Variants in ACSS2 observed in about 807,000 individuals in gnomAD.
ACSS2 encodes the protein acyl-CoA synthetase short chain family member 2, also known as acetyl-coenzyme A synthetase, cytoplasmic.
Under a neutral mutation model 90.6 loss-of-function variants are expected in ACSS2, and 58 were observed. That is an observed-to-expected ratio of 0.64 (90% confidence interval 0.52 to 0.80). The LOEUF is 0.80. Among genes scored for constraint, ACSS2 ranks in the 30% least tolerant of loss-of-function variants. The pLI is 0.00. For missense variants in ACSS2, 759 were observed against 912.0 expected (o/e 0.83, Z 2.16); for synonymous variants, 300 against 330.9 (o/e 0.91, Z 1.01).
intron 2 of ACSS2, among the ~76,000 whole-genome samples, chr20:34,894,713 G>C (rs2080422588): frequency 6.6e-6 from 1 of 152,092 alleles, no homozygotes; most frequent in Admixed American, 6.5e-5. Context: ...AATCTGTCTA[G>C]TTGTTTTCAT....
chr20:34,892,965 C>T (rs1167874407), intron 2 of ACSS2, among the ~76,000 whole-genome samples: 1 of 152,176 alleles, frequency 6.6e-6, no homozygotes, highest in East Asian at 1.9e-4. Flanking sequence ...CCTAAACAAC[C>T]ATGTCGGTCT....
chr20:34,900,524 A>G lies in ACSS2; in HGVS notation c.375-12572A>G, dbSNP rs79427804. 7.7e-3 allele frequency among the ~76,000 whole-genome samples: 1,177 copies of G among 152,132 alleles called. 10 individuals are homozygous for G. The highest frequency in any genetic ancestry group is 0.026 in the African/African-American group (1,094 of 41,488). On this transcript the variant is annotated intron_variant, in intron 2 of 17. Transcript: ENST00000360596. ...CCGGTACAGTCCTGGCTCCCTCAAT[A>G]GGTGAGGAATCAATGTTTAGGGAGA...
chr20:34,917,151 C>T (rs569436709), intron 7 of ACSS2, among the ~76,000 whole-genome samples: 3 of 152,314 alleles, frequency 2.0e-5, no homozygotes, highest in African/African-American at 7.2e-5. Flanking sequence ...TGTAACTATG[C>T]CTTGTCCTTA....
chr20:34,877,143 T>C (rs2079935409), intron 1 of ACSS2, among the ~76,000 whole-genome samples: 1 of 151,868 alleles, frequency 6.6e-6, no homozygotes, highest in South Asian at 2.1e-4. Context: ...GAGTGAAAGT[T>C]TCATGGGAAG....
intron 2 of ACSS2, among the ~76,000 whole-genome samples, chr20:34,888,924 G>A (rs1010373156): frequency 3.3e-5 from 5 of 151,954 alleles, no homozygotes; most frequent in African/African-American, 9.7e-5. Context: ...ACACCAGCAG[G>A]ATATTAGATC....
intron 1 of ACSS2, among the ~76,000 whole-genome samples, chr20:34,877,032 G>A (rs1423640369): frequency 6.6e-6 from 1 of 152,208 alleles, no homozygotes; most frequent in Non-Finnish European, 1.5e-5. Context: ...TGCAGACTTG[G>A]AGGGTCCGTG....
At chr20:34,908,817 C>A (rs111914447) in intron 2 of ACSS2, 1 of 385,620 alleles carries the variant, frequency 2.6e-6, no homozygotes, top group East Asian at 8.3e-5. Context: ...GCCAAGATCG[C>A]GCCATTTTAC....
At chr20:34,922,366 G>A (rs1271554927) in intron 13 of ACSS2, 1 of 153,392 alleles carries the variant, frequency 6.5e-6, no homozygotes, top group Non-Finnish European at 1.5e-5. Flanking sequence ...CACTTTGGGA[G>A]GCTGAGGTGG....
In ACSS2 at chr20:34,882,927, C is replaced by T. The variant is rs2080101305; in HGVS notation, c.312C>T (p.Cys104=). The change falls in exon 2 of 18, where the codon TGC becomes TGT. Residue 104 remains cysteine (C), a synonymous_variant. Transcript: ENST00000360596. The part of the protein sequence containing the change: ...EWMKGATTNI[C]YNVLDRNVHE... Reference sequence around the variant, plus strand: ...TGAAAGGAGCAACTACCAACATCTGCTACAATGTACTGGATCGAAATGTCC... The same window carrying T: ...TGAAAGGAGCAACTACCAACATCTGTTACAATGTACTGGATCGAAATGTCC... The T allele has an allele frequency of 1.2e-6, 2 of 1,613,414 alleles. No individual in the cohort carries two copies. Among genetic ancestry groups the T allele is most frequent in the Admixed American group, 1.7e-5 (1 of 59,916 alleles).
chr20:34,924,920 G>A lies in ACSS2; in HGVS notation c.1658-778G>A, dbSNP rs543937076. Among the ~76,000 whole-genome samples the A allele has an allele frequency of 4.9e-4, 75 of 151,880 alleles. 1 individual carries two copies. The highest frequency in any genetic ancestry group is 1.5e-3 in the South Asian group (7 of 4,814). Reference sequence around the variant, plus strand: ...TCACCATGTTGGCCATGTTGGTCTCGAACTCCTGATCCACCCACCTTGGCC... The same window carrying A: ...TCACCATGTTGGCCATGTTGGTCTCAAACTCCTGATCCACCCACCTTGGCC... On this transcript the variant is annotated intron_variant, in intron 14 of 17. Coordinates refer to ENST00000360596, the MANE Select transcript of ACSS2 (RefSeq NM_018677.4).
At chr20:34,926,081 T>A (rs772046546) in intron 15 of ACSS2, 24 bp from the exon 16 acceptor site, 1 of 1,613,190 alleles carries the variant, frequency 6.2e-7, no homozygotes, top group South Asian at 1.1e-5. Context: ...ATCTCTCTCA[T>A]GGCACTTCCT....
At chr20:34,899,072 C>A (rs1365813923) in intron 2 of ACSS2, among the ~76,000 whole-genome samples, 2 of 152,204 alleles carry the variant, frequency 1.3e-5, no homozygotes, top group Admixed American at 6.5e-5. Flanking sequence ...TGCCTGGGGC[C>A]GGCAGGGCCG....
intron 1 of ACSS2, among the ~76,000 whole-genome samples, chr20:34,877,818 CAAAAAAAAAAAAAA>C (rs60819156): frequency 2.2e-5 from 2 of 91,222 alleles, no homozygotes; most frequent in African/African-American, 9.6e-5. Context: ...GACTTTGTCT[CAAAAAAAAAAAAAA>C]AAAAAAAAAA....
chr20:34,926,277 G>A lies in ACSS2; in HGVS notation c.1899G>A (p.Lys633=). ...CCAAGCTCACCGAGGAGCTCAAGAA[G>A]CAGAGTAAGGAGCCTCCCTGGGCAG... ...FSPKLTEELK[K]QIREKIGPIA... is the part of the protein sequence containing the mutation. Residue 633 remains lysine (K), a synonymous_variant, in exon 16 of 18, where the codon AAG becomes AAA. Transcript: ENST00000360596. The A allele has an allele frequency of 6.2e-7, 1 of 1,614,036 alleles. No homozygotes were observed. Among genetic ancestry groups the A allele is most frequent in the Non-Finnish European group, 8.5e-7 (1 of 1,179,906 alleles).
At chr20:34,896,705 T>G (rs971640366) in intron 2 of ACSS2, among the ~76,000 whole-genome samples, 1 of 152,204 alleles carries the variant, frequency 6.6e-6, no homozygotes, top group African/African-American at 2.4e-5. Context: ...GATGTCTACA[T>G]AGGACTCTAG....
intron 2 of ACSS2, among the ~76,000 whole-genome samples, chr20:34,885,307 A>T (rs923479114): frequency 1.3e-5 from 2 of 152,256 alleles, no homozygotes; most frequent in African/African-American, 4.8e-5. Flanking sequence ...GAAAGAACTC[A>T]GGTGCCTAAT....
rs772525484 is a variant in ACSS2, at chr20:34,921,831, G to A, written c.1513G>A (p.Gly505Arg). The A allele has an allele frequency of 1.9e-5, 30 of 1,613,896 alleles. No individual in the cohort carries two copies. Among genetic ancestry groups the A allele is most frequent in the Admixed American group, 5.0e-5 (3 of 59,956 alleles). ...AGCTCCTGCAATCCTGAATGAGTCC[G>A]GGGAAGAGTTGGAAGGTGAAGCTGA... The part of the protein sequence containing the change: ...GVAPAILNES[G>R]EELEGEAEGY... The change falls in exon 13 of 18, where the codon GGG (glycine) becomes AGG (arginine). Residue 505 changes from glycine (G) to arginine (R), a missense_variant. Coordinates refer to ENST00000360596, the MANE Select transcript of ACSS2 (RefSeq NM_018677.4).
intron 2 of ACSS2, among the ~76,000 whole-genome samples, chr20:34,901,347 C>T (rs1205377672): frequency 2.0e-5 from 3 of 152,172 alleles, no homozygotes; most frequent in African/African-American, 7.2e-5. Flanking sequence ...CCTCCCACCT[C>T]GGCCCCTAAA....
At chr20:34,878,895 CTTTTTTT>C (rs11299664) in intron 1 of ACSS2, among the ~76,000 whole-genome samples, 1 of 128,526 alleles carries the variant, frequency 7.8e-6, no homozygotes, top group African/African-American at 2.9e-5. Context: ...TTCTGCTTTT[CTTTTTTT>C]TTTTTTTTTC....
Sources: allele counts gnomAD v4.1 joint callset (sites outside exome capture counted in the v4.1 genomes callset), GRCh38; gene constraint gnomAD v4.1.1; transcripts MANE v1.5; gene names NCBI Gene and HGNC (gene_info 2026-07-23, HGNC 2026-07-21).